KANSL1L: variants seen among roughly 807,000 people sequenced by gnomAD.
The protein encoded by KANSL1L is KAT8 regulatory NSL complex subunit 1-like protein.
A neutral mutation model predicts 108.6 loss-of-function variants in KANSL1L; 25 were observed. That is an observed-to-expected ratio of 0.23 (90% CI 0.17 to 0.32). The LOEUF is 0.32. Ranked by LOEUF, KANSL1L falls within the 10% of genes least tolerant of loss-of-function variation. KANSL1L has a pLI of 1.00. For missense variants in KANSL1L, 1,137 were observed against 1,125.7 expected, an observed-to-expected ratio of 1.01 and a Z score of -0.14; for synonymous variants, 405 against 395.1, an observed-to-expected ratio of 1.03 and a Z score of -0.30.
intron 2 of KANSL1L, among the ~76,000 whole-genome samples, chr2:210,131,978 T>A (rs2095125382): frequency 6.6e-6 from 1 of 152,190 alleles, no homozygotes; most frequent in African/African-American, 2.4e-5. Flanking sequence ...ATTACAGGCA[T>A]AAGCCAGAAA....
intron 5 of KANSL1L, among the ~76,000 whole-genome samples, chr2:210,076,480 C>T (rs535588141): frequency 6.6e-6 from 1 of 152,246 alleles, no homozygotes; most frequent in South Asian, 2.1e-4. Flanking sequence ...AGCCACTGCA[C>T]CTGGCTATTA....
intron 6 of KANSL1L, among the ~76,000 whole-genome samples, chr2:210,046,412 A>G (rs748758189): frequency 1.3e-5 from 2 of 152,168 alleles, no homozygotes; most frequent in Non-Finnish European, 2.9e-5. Context: ...AAGGTGTACA[A>G]TTCATCCTGA....
chr2:210,149,303 C>T (rs1488373046), intron 2 of KANSL1L, among the ~76,000 whole-genome samples: 2 of 152,050 alleles, frequency 1.3e-5, no homozygotes, highest in African/African-American at 2.4e-5. Flanking sequence ...CAATACTAGC[C>T]TATACGATAA....
chr2:210,046,252 G>GC (rs781408741), intron 6 of KANSL1L, among the ~76,000 whole-genome samples: 41 of 152,048 alleles, frequency 2.7e-4, no homozygotes, highest in Admixed American at 5.2e-4. Flanking sequence ...TTGCATCCAA[G>GC]CCCCCCAAAA....
At chr2:210,103,954 G>T (rs2094821117) in intron 4 of KANSL1L, 150 bp downstream of exon 4, 2 of 577,632 alleles carry the variant, frequency 3.5e-6, no homozygotes, top group East Asian at 5.7e-5. Flanking sequence ...CTGGTCATAT[G>T]TCAAATATTT....
intron 2 of KANSL1L, among the ~76,000 whole-genome samples, chr2:210,138,810 T>C (rs1003232817): frequency 2.0e-5 from 3 of 152,070 alleles, no homozygotes; most frequent in Non-Finnish European, 2.9e-5. Flanking sequence ...TCGAAATGCA[T>C]TGAATTGGCC....
chr2:210,141,978 G>A (rs2095233037), intron 2 of KANSL1L, among the ~76,000 whole-genome samples: 1 of 151,778 alleles, frequency 6.6e-6, no homozygotes, highest in Non-Finnish European at 1.5e-5. Context: ...AGTGACAAAG[G>A]ACATTGGCCT....
chr2:210,149,852 G>A (rs764790642), intron 2 of KANSL1L, among the ~76,000 whole-genome samples: 2 of 147,880 alleles, frequency 1.4e-5, no homozygotes, highest in African/African-American at 5.0e-5. Context: ...TGTATGGGAA[G>A]ATATATGAAA....
At chr2:210,138,694 T>C (rs1361935938) in intron 2 of KANSL1L, among the ~76,000 whole-genome samples, 1 of 152,228 alleles carries the variant, frequency 6.6e-6, no homozygotes, top group African/African-American at 2.4e-5. Flanking sequence ...GTACACATTG[T>C]ATAAGATTAA....
intron 3 of KANSL1L, among the ~76,000 whole-genome samples, chr2:210,109,735 C>T (rs992640178): frequency 1.3e-5 from 2 of 151,990 alleles, no homozygotes; most frequent in Non-Finnish European, 2.9e-5. Flanking sequence ...TTTCTATTCA[C>T]TGTTCTCTAT....
At chr2:210,040,233 T>C (rs1270216911) in intron 8 of KANSL1L, 187 bp downstream of exon 8, 1 of 500,986 alleles carries the variant, frequency 2.0e-6, no homozygotes, top group Non-Finnish European at 3.5e-6. Context: ...ATTCAATAGG[T>C]ATCGCACATT....
chr2:210,081,015 G>A (rs749062530), intron 5 of KANSL1L, among the ~76,000 whole-genome samples: 1 of 152,084 alleles, frequency 6.6e-6, no homozygotes, highest in African/African-American at 2.4e-5. Flanking sequence ...CCTGAGGCAT[G>A]AGAATCGCGT....
chr2:210,124,091 CACA>C (rs1372904866), intron 3 of KANSL1L, among the ~76,000 whole-genome samples: 1 of 152,086 alleles, frequency 6.6e-6, no homozygotes, highest in African/African-American at 2.4e-5. Context: ...TGTTAAGGGA[CACA>C]ACAACTAGAT....
chr2:210,069,870 C>T (rs1183936426), intron 6 of KANSL1L, among the ~76,000 whole-genome samples: 2 of 107,384 alleles, frequency 1.9e-5, no homozygotes, highest in Admixed American at 1.5e-4. Flanking sequence ...ACTCTGTCAC[C>T]CAGGCTGGAG....
rs373452122 is a variant in KANSL1L at position 210,157,261 on chromosome 2, A to G, written c.-29-2650T>C. ...CTAAACTTTATCTCCCACACCACAC[A>G]CCTGTCCCTCTCAAAAATCTGAACA... On this transcript the variant is annotated intron_variant, in intron 1 of 14. Transcript: ENST00000281772. Among the ~76,000 whole-genome samples, 20 of 152,242 alleles carry G rather than the reference A, an allele frequency of 1.3e-4. 1 individual carries two copies. The highest frequency in any genetic ancestry group is 4.8e-4 in the African/African-American group (20 of 41,546).
intron 2 of KANSL1L, among the ~76,000 whole-genome samples, chr2:210,145,662 G>A (rs2095260187): frequency 6.6e-6 from 1 of 152,194 alleles, no homozygotes; most frequent in African/African-American, 2.4e-5. Context: ...AGGTTCTGGG[G>A]TCCAAGGAGT....
intron 4 of KANSL1L, among the ~76,000 whole-genome samples, chr2:210,102,811 G>C (rs1011035805): frequency 6.6e-6 from 1 of 152,132 alleles, no homozygotes; most frequent in African/African-American, 2.4e-5. Flanking sequence ...AACAAGTCAG[G>C]AAACAACAGG....
At chr2:210,065,580 T>G (rs1239807177) in intron 6 of KANSL1L, among the ~76,000 whole-genome samples, 1 of 594 alleles carries the variant, frequency 1.7e-3, no homozygotes, top group African/African-American at 2.0e-3. Context: ...CTGGACATGA[T>G]TTTTTTTTTT....
chr2:210,089,656 A>C (rs1371028927), intron 5 of KANSL1L, among the ~76,000 whole-genome samples: 1 of 152,060 alleles, frequency 6.6e-6, no homozygotes, highest in African/African-American at 2.4e-5. Flanking sequence ...AATTATAAAA[A>C]CACTACAATT....
Sources: gnomAD v4.1 joint callset for allele counts (sites outside exome capture counted in the v4.1 genomes callset) on GRCh38, gnomAD v4.1.1 for gene constraint, MANE v1.5 for transcripts, NCBI Gene and HGNC (gene_info 2026-07-23, HGNC 2026-07-21) for gene names.